The following FAM135A variants were observed in gnomAD, a reference collection of about 807,000 sequenced individuals.
FAM135A encodes the protein family with sequence similarity 135 member A.
A neutral mutation model predicts 146.8 loss-of-function variants in FAM135A; 79 were observed. The observed-to-expected ratio is 0.54, with a 90% CI of 0.45 to 0.65. FAM135A has a LOEUF of 0.65. FAM135A is among the 30% of genes least tolerant of loss of function. The probability of loss-of-function intolerance (pLI) is 0.00; values close to 1 mark genes in which losing one functional copy is unlikely to be tolerated. For missense variants in FAM135A, 1,623 were observed against 1,758.2 expected (o/e 0.92, Z 1.38); for synonymous variants, 562 against 603.6 (o/e 0.93, Z 1.01).
intron 8 of FAM135A, among the ~76,000 whole-genome samples, chr6:70,479,004 T>G (rs555207439): frequency 8.1e-4 from 124 of 152,292 alleles, no homozygotes; most frequent in African/African-American, 2.9e-3. Context: ...TGCTAAATGT[T>G]TATCTGTTTA....
intron 8 of FAM135A, among the ~76,000 whole-genome samples, chr6:70,478,828 G>A (rs1783129589): frequency 6.6e-6 from 1 of 151,906 alleles, no homozygotes; most frequent in African/African-American, 2.4e-5. Context: ...GCAGGAAGGT[G>A]TTTTTTTATT....
chr6:70,553,425 G>A (rs1449754148), intron 20 of FAM135A, among the ~76,000 whole-genome samples: 2 of 152,140 alleles, frequency 1.3e-5, no homozygotes, highest in African/African-American at 4.8e-5. Context: ...GCCTCAACTT[G>A]ATAAGTTCCT....
intron 12 of FAM135A, among the ~76,000 whole-genome samples, chr6:70,512,024 C>T (rs1168446084): frequency 6.6e-6 from 1 of 151,920 alleles, no homozygotes. Flanking sequence ...TATGAACTTA[C>T]TGAATTATCA....
chr6:70,413,645 G>T lies in FAM135A; in HGVS notation c.-277G>T. ...ACCCGGGTCGGGCCGTCTTCTTGCA[G>T]CTGGACAACGAGCTCCTCCGTTCGA... On this transcript the variant is annotated 5_prime_UTR_variant, in exon 1 of 22. Transcript: ENST00000418814. The T allele has an allele frequency of 3.8e-6, 1 of 260,476 alleles. No homozygotes were observed. The highest frequency in any genetic ancestry group is 6.0e-6 in the Non-Finnish European group (1 of 166,542). The allele number at this position is 260,476 out of a possible 1,614,324, so 16.1% of individuals were successfully genotyped here. A position where few individuals can be genotyped will look rare whatever the true frequency, so the allele number is the denominator to read the frequency against.
intron 4 of FAM135A, among the ~76,000 whole-genome samples, chr6:70,437,772 TAAGTC>T (rs1773518625): frequency 6.6e-6 from 1 of 152,116 alleles, no homozygotes; most frequent in South Asian, 2.1e-4. Flanking sequence ...GTTATTGAAA[TAAGTC>T]AAAAAACTAA....
chr6:70,433,321 G>A lies in FAM135A; in HGVS notation c.77+4902G>A, dbSNP rs971134555. 5.3e-5 allele frequency among the ~76,000 whole-genome samples: 8 copies of A among 151,940 alleles called. No individual in the cohort carries two copies. The East Asian group carries it at 5.8e-4, about 11-fold the overall frequency. ...GATCTCCTGACCTCATGATCCGCCC[G>A]CCTCGGCGTCCCAAAGTGCTGGGAT... On this transcript the variant is annotated intron_variant, in intron 4 of 21. Coordinates refer to ENST00000418814, the MANE Select transcript of FAM135A (RefSeq NM_001162529.3).
At chr6:70,534,471 C>T (rs1203299310) in intron 18 of FAM135A, among the ~76,000 whole-genome samples, 1 of 151,768 alleles carries the variant, frequency 6.6e-6, no homozygotes, top group African/African-American at 2.4e-5. Flanking sequence ...AGGCATGCAC[C>T]ACCATGTCCA....
At chr6:70,555,620 G>A (rs537350738) in intron 20 of FAM135A, among the ~76,000 whole-genome samples, 70 of 152,102 alleles carry the variant, frequency 4.6e-4, no homozygotes, top group African/African-American at 1.7e-3. Flanking sequence ...TGACTCCAGG[G>A]GTAAATGTAT....
intron 20 of FAM135A, among the ~76,000 whole-genome samples, chr6:70,554,122 A>AT (rs1196199047): frequency 6.6e-6 from 1 of 152,206 alleles, no homozygotes; most frequent in Non-Finnish European, 1.5e-5. Context: ...AGATACAAAA[A>AT]TGATAATTAG....
chr6:70,513,316 A>AT (rs34164285), intron 12 of FAM135A: 1 of 150,688 alleles, frequency 6.6e-6, no homozygotes, highest in Non-Finnish European at 1.5e-5. Flanking sequence ...CTCTTTTAGA[A>AT]TTTGTCTAGC....
At chr6:70,431,707 G>A (rs1771681243) in intron 4 of FAM135A, among the ~76,000 whole-genome samples, 1 of 152,084 alleles carries the variant, frequency 6.6e-6, no homozygotes, top group South Asian at 2.1e-4. Flanking sequence ...CATTTTGTAG[G>A]TTTGTTTTTA....
rs1801785615 is a variant in FAM135A, at chr6:70,560,948, C to T, written c.*1027C>T. On this transcript the variant is annotated 3_prime_UTR_variant, in exon 22 of 22. Transcript: ENST00000418814. The stretch of plus-strand genomic sequence containing the variant: ...GGAGATGTTGAGTCTTTTGACTTTA[C>T]TAAAGGTGCTGAATAGCATTAAATT... 1 of 152,558 alleles carries T rather than the reference C, an allele frequency of 6.6e-6. No homozygotes were observed. The allele number at this position is 152,558 out of a possible 1,614,324, so 9.5% of individuals were successfully genotyped here. A position where few individuals can be genotyped will look rare whatever the true frequency, so the allele number is the denominator to read the frequency against.
intron 12 of FAM135A, among the ~76,000 whole-genome samples, chr6:70,522,041 T>G (rs1793707403): frequency 6.6e-6 from 1 of 152,086 alleles, no homozygotes; most frequent in Non-Finnish European, 1.5e-5. Context: ...CTCAGCCTCC[T>G]GAGTAGCTGG....
chr6:70,440,125 A>G (rs780749417), intron 4 of FAM135A, among the ~76,000 whole-genome samples: 1 of 152,136 alleles, frequency 6.6e-6, no homozygotes, highest in Non-Finnish European at 1.5e-5. Context: ...TGTCTCTTAC[A>G]TTTTCCAAAA....
At chr6:70,433,392 A>G (rs1009854996) in intron 4 of FAM135A, among the ~76,000 whole-genome samples, 5 of 152,156 alleles carry the variant, frequency 3.3e-5, no homozygotes, top group African/African-American at 1.2e-4. Flanking sequence ...ACTTTTTAAC[A>G]TGAAAGGAGG....
At chr6:70,440,665 G>A (rs1046966719) in intron 4 of FAM135A, among the ~76,000 whole-genome samples, 1 of 152,138 alleles carries the variant, frequency 6.6e-6, no homozygotes, top group Non-Finnish European at 1.5e-5. Flanking sequence ...TCCAACCTGG[G>A]CAATAAGAGC....
intron 4 of FAM135A, among the ~76,000 whole-genome samples, chr6:70,446,659 GTAAT>G (rs1437326843): frequency 1.3e-5 from 2 of 152,242 alleles, no homozygotes; most frequent in Admixed American, 6.5e-5. Flanking sequence ...GCGTCATAGA[GTAAT>G]TACATTGAGG....
intron 12 of FAM135A, among the ~76,000 whole-genome samples, chr6:70,517,398 G>A (rs549451081): frequency 8.4e-4 from 126 of 150,864 alleles, no homozygotes; most frequent in Admixed American, 1.5e-3. Context: ...AGGCATGGTG[G>A]TGTGCACGTC....
intron 10 of FAM135A, among the ~76,000 whole-genome samples, chr6:70,487,366 T>C (rs910638412): frequency 6.6e-6 from 1 of 152,114 alleles, no homozygotes; most frequent in African/African-American, 2.4e-5. Flanking sequence ...TATGAGTATA[T>C]TAAAAGTTTT....
Sources: gnomAD v4.1 joint callset for allele counts (sites outside exome capture counted in the v4.1 genomes callset) on GRCh38, gnomAD v4.1.1 for gene constraint, MANE v1.5 for transcripts, NCBI Gene and HGNC (gene_info 2026-07-23, HGNC 2026-07-21) for gene names.